HTT: variants seen among roughly 807,000 people sequenced by gnomAD.
HTT encodes huntington disease protein.
A neutral mutation model predicts 362.3 loss-of-function variants in HTT; 104 were observed. The observed-to-expected ratio is 0.29, with a 90% CI of 0.24 to 0.34. The LOEUF is 0.34. Ranked by LOEUF, HTT falls within the 10% of genes least tolerant of loss-of-function variation. The pLI is 1.00. For missense variants in HTT, 3,301 were observed against 3,928.6 expected, an observed-to-expected ratio of 0.84 and a Z score of 4.27; for synonymous variants, 1,577 against 1,548.7, an observed-to-expected ratio of 1.02 and a Z score of -0.43.
In HTT at chr4:3,178,454, G is replaced by GAC; in HGVS notation, c.4612+13_4612+14dup. On this transcript the variant is annotated intron_variant, in intron 35 of 66. Coordinates refer to ENST00000355072, the MANE Select transcript of HTT (RefSeq NM_001388492.1). ...GGAAGGCTGTGACACATGGTAACGG[G>GAC]ACACACCTTTCACTGTCGTCTTCGG... 1 of 1,612,696 alleles carries GAC rather than the reference G, an allele frequency of 6.2e-7. No individual in the cohort carries two copies. The highest frequency in any genetic ancestry group is 1.1e-5 in the South Asian group (1 of 90,756).
chr4:3,101,940 C>T (rs911061848), intron 3 of HTT, among the ~76,000 whole-genome samples: 1 of 152,186 alleles, frequency 6.6e-6, no homozygotes, highest in Non-Finnish European at 1.5e-5. Flanking sequence ...CCTCTTGTCT[C>T]AAGGGGTGCC....
intron 29 of HTT, among the ~76,000 whole-genome samples, chr4:3,170,101 G>T (rs540953522): frequency 1.1e-4 from 17 of 152,122 alleles, no homozygotes; most frequent in African/African-American, 3.9e-4. Context: ...CTGCCTCTTT[G>T]TATGGCTGCC....
In HTT at chr4:3,223,313, C is replaced by T. The variant is rs1720762641; in HGVS notation, c.7471-93C>T. On this transcript the variant is annotated intron_variant, in intron 54 of 66. Coordinates refer to ENST00000355072, the MANE Select transcript of HTT (RefSeq NM_001388492.1). ...TTGGTAGCACTTAAGGCTCCTCTTC[C>T]TCCCATTGAGGCAGGGAAGACTCTG... 4.7e-6 allele frequency: 6 copies of T among 1,268,692 alleles called. No homozygotes were observed. The South Asian group carries it at 9.5e-5, about 20-fold the overall frequency. The allele number at this position is 1,268,692 out of a possible 1,614,324, so 78.6% of individuals were successfully genotyped here.
At chr4:3,143,891 C>T (rs1057510434) in intron 23 of HTT, among the ~76,000 whole-genome samples, 6 of 152,126 alleles carry the variant, frequency 3.9e-5, no homozygotes, top group Admixed American at 6.6e-5. Flanking sequence ...GTGTGAGCCA[C>T]CATGCCTGGC....
intron 61 of HTT, among the ~76,000 whole-genome samples, chr4:3,234,379 C>T (rs950914027): frequency 1.1e-4 from 17 of 152,236 alleles, no homozygotes; most frequent in African/African-American, 3.6e-4. Context: ...GACAGGCGGA[C>T]GGCTGGCAAC....
In HTT at chr4:3,233,158, C is replaced by T; in HGVS notation, c.8266-5C>T. ...ATGCAGCAGCTTTTGTCTGTGTGTGCCTAGGACAAGGCCGTGGCGGAGCCT... is the reference window on the plus strand; with the variant it reads ...ATGCAGCAGCTTTTGTCTGTGTGTGTCTAGGACAAGGCCGTGGCGGAGCCT... On this transcript the variant is annotated splice_region_variant and splice_polypyrimidine_tract_variant and intron_variant, in intron 60 of 66. Transcript: ENST00000355072. 1 of 1,577,784 alleles carries T rather than the reference C, an allele frequency of 6.3e-7. No individual in the cohort carries two copies. Among genetic ancestry groups the T allele is most frequent in the Non-Finnish European group, 8.7e-7 (1 of 1,152,894 alleles).
At chr4:3,186,873 G>T (rs560589593) in intron 38 of HTT, among the ~76,000 whole-genome samples, 154 bp downstream of exon 38, 3 of 146,374 alleles carry the variant, frequency 2.0e-5, no homozygotes, top group African/African-American at 7.6e-5. Flanking sequence ...TGTGGGGGTG[G>T]TGCGGAACAG....
intron 45 of HTT, 111 bp from the exon 46 acceptor site, chr4:3,208,662 G>T (rs183367797): frequency 3.4e-4 from 339 of 1,000,340 alleles, no homozygotes; most frequent in Non-Finnish European, 4.2e-4. Context: ...CACTAATAGT[G>T]CATCTCCTTA....
rs1720908548 is a variant in HTT at position 3,226,245 on chromosome 4, G to C, written c.7848+502G>C. ...TGGGTGGGAGCCCCGTGTGCAGGCA[G>C]ACAGCTCGGCCACTTCCTAGCAGGT... On this transcript the variant is annotated intron_variant, in intron 57 of 66. Coordinates refer to ENST00000355072, the MANE Select transcript of HTT (RefSeq NM_001388492.1). 2.6e-5 allele frequency among the ~76,000 whole-genome samples: 4 copies of C among 152,144 alleles called. No homozygotes were observed. In the South Asian group the frequency reaches 8.3e-4, roughly 32 times the overall value.
Position 3,218,089 on chromosome 4 carries a change from G to C in HTT, c.7242+137G>C. The C allele has an allele frequency of 1.4e-6, 1 of 709,756 alleles. No homozygotes were observed. The highest frequency in any genetic ancestry group is 2.0e-5 in the South Asian group (1 of 48,900). The allele number at this position is 709,756 out of a possible 1,614,324, so 44.0% of individuals were successfully genotyped here. A position where few individuals can be genotyped will look rare whatever the true frequency, so the allele number is the denominator to read the frequency against. On this transcript the variant is annotated intron_variant, in intron 52 of 66. Coordinates refer to ENST00000355072, the MANE Select transcript of HTT (RefSeq NM_001388492.1). This position sits in a 1 kb window ranked among gnomAD's most constrained non-coding sequence, Gnocchi z 4.4. Reference sequence around the variant, plus strand: ...CTGCTGTGGTTCTGGTGCCCACTGTGGTTCTGGTGCCAGGCTGCTTTCCTC... The same window carrying C: ...CTGCTGTGGTTCTGGTGCCCACTGTCGTTCTGGTGCCAGGCTGCTTTCCTC...
intron 42 of HTT, among the ~76,000 whole-genome samples, chr4:3,205,155 A>AT (rs1279157850): frequency 1.3e-5 from 2 of 152,214 alleles, no homozygotes; most frequent in South Asian, 2.1e-4. Flanking sequence ...TTACAAAAAA[A>AT]CAAATAAACG....
At chr4:3,130,530 A>G in intron 14 of HTT, 107 bp downstream of exon 14, 1 of 618,860 alleles carries the variant, frequency 1.6e-6, no homozygotes, top group Non-Finnish European at 2.9e-6. Context: ...CTGGGCCTTT[A>G]AATTTCCCCT....
chr4:3,155,775 G>C (rs954716907), intron 27 of HTT, among the ~76,000 whole-genome samples: 2 of 147,034 alleles, frequency 1.4e-5, no homozygotes, highest in African/African-American at 5.0e-5. Flanking sequence ...GCTCGCGCCA[G>C]TCGTCCCAGC....
intron 3 of HTT, 45 bp from the exon 4 acceptor site, chr4:3,103,779 A>G (rs894588794): frequency 1.7e-6 from 2 of 1,207,630 alleles, no homozygotes; most frequent in Admixed American, 1.9e-5. Flanking sequence ...TTTTAGAACT[A>G]GTGATGGGAT....
rs762965392 is a variant in HTT at position 3,209,811 on chromosome 4, AT to A, written c.6292-9del. ...GCCGCCCATCATGTTCCCCTTATCC[AT>A]TTTTTTCTTCCCAGGACTGGTACGT... On this transcript the variant is annotated splice_polypyrimidine_tract_variant and intron_variant, in intron 46 of 66. Coordinates refer to ENST00000355072, the MANE Select transcript of HTT (RefSeq NM_001388492.1). 6.2e-7 allele frequency: 1 copy of A among 1,612,760 alleles called. No individual in the cohort carries two copies. Among genetic ancestry groups the A allele is most frequent in the Admixed American group, 1.7e-5 (1 of 59,980 alleles).
In HTT at chr4:3,131,403, T is replaced by G; in HGVS notation, c.2098+6T>G. 6.3e-7 allele frequency: 1 copy of G among 1,599,160 alleles called. No homozygotes were observed. The highest frequency in any genetic ancestry group is 1.7e-4 in the Middle Eastern group (1 of 6,040). On this transcript the variant is annotated splice_donor_region_variant and intron_variant, in intron 15 of 66. Transcript: ENST00000355072. ...GCTAACAGGGGGAAAAAATGGTGAG[T>G]ACAAAAGGGGATGTGCACAGTTGAA...
Position 3,172,978 on chromosome 4 carries a change from C to T in HTT, c.4013C>T (p.Ser1338Leu), listed in dbSNP as rs752386077. 3 of 1,614,092 alleles carry T rather than the reference C, an allele frequency of 1.9e-6. No homozygotes were observed. In the South Asian group the frequency reaches 3.3e-5, roughly 18 times the overall value. Residue 1338 changes from serine (S) to leucine (L), a missense_variant, in exon 31 of 67, where the codon TCA becomes TTA. Around this residue, in one of 4 missense-constraint regions of HTT, gnomAD observed 2,316 missense variants for 2,658.5 expected, o/e 0.87. Coordinates refer to ENST00000355072, the MANE Select transcript of HTT (RefSeq NM_001388492.1). The part of the protein sequence containing the change: ...FDGLSSNPSK[S>L]QGRAQRLGSS... ...GGCTTATCTTCCAACCCCAGCAAGT[C>T]ACAAGGCCGAGCACAGCGCCTTGGC...
intron 10 of HTT, among the ~76,000 whole-genome samples, chr4:3,124,275 C>T (rs1414956130): frequency 6.6e-6 from 1 of 152,146 alleles, no homozygotes; most frequent in Non-Finnish European, 1.5e-5. Context: ...GCGGTGAGAA[C>T]GAAGATGACT....
At chr4:3,180,698 G>C (rs771825846) in intron 36 of HTT, 47 bp downstream of exon 36, 10 of 1,523,676 alleles carry the variant, frequency 6.6e-6, no homozygotes, top group African/African-American at 4.2e-5. Flanking sequence ...TTATTGACCC[G>C]TGCAGATGGA....
Sources: gnomAD v4.1 joint callset for allele counts (sites outside exome capture counted in the v4.1 genomes callset) on GRCh38, gnomAD v4.1.1 for gene constraint, gnomAD v4.1.1 regional missense constraint, Gnocchi (gnomAD v3.1) non-coding constraint, MANE v1.5 for transcripts, NCBI Gene and HGNC (gene_info 2026-07-23, HGNC 2026-07-21) for gene names.